CDH4: variants seen among roughly 807,000 people sequenced by gnomAD.
The protein encoded by CDH4 is cadherin-4.
CDH4 carries 33 observed loss-of-function variants against 86.0 expected under a neutral mutation model. The ratio of observed to expected loss-of-function variants is 0.38; its 90% CI spans 0.29 to 0.51. CDH4 has a LOEUF of 0.51. CDH4 is among the 20% of genes least tolerant of loss of function. CDH4 has a pLI of 0.86. For synonymous variants in CDH4, 555 were observed against 549.4 expected (o/e 1.01, Z -0.14); for missense variants, 1,114 against 1,307.4 (o/e 0.85, Z 2.28).
intron 2 of CDH4, among the ~76,000 whole-genome samples, chr20:61,572,504 C>T (rs923473595): frequency 2.0e-5 from 3 of 152,142 alleles, no homozygotes; most frequent in Non-Finnish European, 4.4e-5. Context: ...TCTGCCCTCT[C>T]TCCTGGAGGA....
intron 2 of CDH4, among the ~76,000 whole-genome samples, chr20:61,561,335 G>A (rs2086215317): frequency 6.6e-6 from 1 of 152,186 alleles, no homozygotes; most frequent in Admixed American, 6.5e-5. Context: ...CAGCCTTAAG[G>A]GGAAGCACAG....
intron 2 of CDH4, among the ~76,000 whole-genome samples, chr20:61,593,736 T>C (rs12329418): frequency 0.04 from 6,035 of 152,060 alleles, 187 homozygotes; most frequent in Middle Eastern, 0.082. Context: ...TCTGGAAGTC[T>C]CTTGAAGCAA....
At chr20:61,537,975 G>A (rs1000674187) in intron 2 of CDH4, among the ~76,000 whole-genome samples, 1 of 152,188 alleles carries the variant, frequency 6.6e-6, no homozygotes, top group African/African-American at 2.4e-5. Flanking sequence ...GGCCAACCCG[G>A]CCACATTGCT....
At chr20:61,367,682 G>A (rs909765904) in intron 2 of CDH4, among the ~76,000 whole-genome samples, 2 of 152,012 alleles carry the variant, frequency 1.3e-5, no homozygotes, top group Admixed American at 6.5e-5. Context: ...ACTTTCTTGC[G>A]GCAAAATGTC....
intron 2 of CDH4, among the ~76,000 whole-genome samples, chr20:61,725,310 A>G (rs2088097191): frequency 6.6e-6 from 1 of 152,174 alleles, no homozygotes; most frequent in Non-Finnish European, 1.5e-5. Context: ...CTGGTCATAG[A>G]CAGTGCACAC....
intron 2 of CDH4, among the ~76,000 whole-genome samples, chr20:61,342,037 A>G (rs6101322): frequency 0.6 from 91,383 of 152,140 alleles, 28,117 homozygotes; most frequent in African/African-American, 0.76. Context: ...TGTTGGCAGC[A>G]GTGGCACTGA....
intron 2 of CDH4, among the ~76,000 whole-genome samples, chr20:61,565,213 C>CTTGGTGATGGGGTGATGGTGGTGGTGG (rs1339239791): frequency 5.5e-5 from 1 of 18,192 alleles, no homozygotes; most frequent in Non-Finnish European, 1.0e-4. Flanking sequence ...TCGCGGTGCT[C>CTTGGTGATGGGGTGATGGTGGTGGTGG]TCGGTGGTAG....
intron 2 of CDH4, among the ~76,000 whole-genome samples, chr20:61,481,723 G>A (rs1027057116): frequency 6.6e-6 from 1 of 152,188 alleles, no homozygotes; most frequent in Admixed American, 6.5e-5. Context: ...ACAAATGGGG[G>A]TTAAAAATGC....
intron 2 of CDH4, among the ~76,000 whole-genome samples, chr20:61,289,050 C>G (rs1220842700): frequency 6.6e-6 from 1 of 152,250 alleles, no homozygotes; most frequent in Admixed American, 6.5e-5. Context: ...ATGAAGCACA[C>G]TCTTCTTTAG....
chr20:61,275,293 C>G (rs1399415030), intron 2 of CDH4, among the ~76,000 whole-genome samples: 1 of 117,284 alleles, frequency 8.5e-6, no homozygotes, highest in Non-Finnish European at 1.7e-5. Flanking sequence ...GGGGGGAGCA[C>G]CGTGCGCAGT....
At position 61,754,460 on chromosome 20, in the gene CDH4, C is replaced by T. The variant is rs6061345; in HGVS notation, c.396+10671C>T. Among the ~76,000 whole-genome samples, 18,879 of 152,152 alleles carry T rather than the reference C, an allele frequency of 0.12. 1,569 individuals carry two copies. The highest frequency in any genetic ancestry group is 0.23 in the African/African-American group (9,453 of 41,474). ...CCAGGTCCCTCTGCTGCTACCCAGG[C>T]CCTTCCACTGCCCCTGCTGTCCCCC... On this transcript the variant is annotated intron_variant, in intron 3 of 15. Coordinates refer to ENST00000614565, the MANE Select transcript of CDH4 (RefSeq NM_001794.5). The surrounding 1 kb of genome is among the most constrained non-coding windows in gnomAD (Gnocchi z 4.7).
chr20:61,451,219 G>A (rs7271922), intron 2 of CDH4, among the ~76,000 whole-genome samples: 3,110 of 151,410 alleles, frequency 0.021, 100 homozygotes, highest in African/African-American at 0.071. Context: ...CTGGTGCTGC[G>A]GAAGCCTGAT....
chr20:61,744,561 T>TGGAGGGAGAGAGAGAAGGAAAG (rs1433711383), intron 3 of CDH4, among the ~76,000 whole-genome samples: 1 of 76,272 alleles, frequency 1.3e-5, no homozygotes, highest in Non-Finnish European at 2.8e-5. Flanking sequence ...TGGAGAGAGG[T>TGGAGGGAGAGAGAGAAGGAAAG]GGAGGGAGAG....
At chr20:61,276,751 T>C (rs1339891874) in intron 2 of CDH4, among the ~76,000 whole-genome samples, 3 of 152,208 alleles carry the variant, frequency 2.0e-5, no homozygotes, top group African/African-American at 4.8e-5. Context: ...CTCCACGGGG[T>C]CAGGGGCTGT....
chr20:61,300,017 T>C (rs1239534887), intron 2 of CDH4, among the ~76,000 whole-genome samples: 3 of 152,184 alleles, frequency 2.0e-5, no homozygotes, highest in African/African-American at 7.2e-5. Context: ...AAAATGGCTC[T>C]TTAGGGAATC....
rs115946237 is a variant in CDH4 at position 61,384,962 on chromosome 20, C to T, written c.169+130025C>T. ...TAGTGTAATCATATCTAACTCTGAGCTACTCGTTTGCCATGGGATATCACT... is the reference window on the plus strand; with the variant it reads ...TAGTGTAATCATATCTAACTCTGAGTTACTCGTTTGCCATGGGATATCACT... On this transcript the variant is annotated intron_variant, in intron 2 of 15. Coordinates refer to ENST00000614565, the MANE Select transcript of CDH4 (RefSeq NM_001794.5). Among the ~76,000 whole-genome samples, 287 of 152,306 alleles carry T rather than the reference C, an allele frequency of 1.9e-3. 1 individual carries two copies. The highest frequency in any genetic ancestry group is 6.7e-3 in the African/African-American group (280 of 41,562).
At chr20:61,857,537 G>A (rs542805337) in intron 6 of CDH4, among the ~76,000 whole-genome samples, 1 of 152,360 alleles carries the variant, frequency 6.6e-6, no homozygotes, top group Admixed American at 6.5e-5. Context: ...TGAGGCCCAC[G>A]GAGGTGACTA....
chr20:61,599,913 G>A, intron 2 of CDH4: 2 of 985,528 alleles, frequency 2.0e-6, no homozygotes, highest in African/African-American at 1.7e-5. Flanking sequence ...AAAATAAAGG[G>A]AGGAAGGAGT....
chr20:61,846,533 T>A (rs769198699), intron 5 of CDH4, among the ~76,000 whole-genome samples: 2 of 150,774 alleles, frequency 1.3e-5, no homozygotes, highest in African/African-American at 2.4e-5. Context: ...GAGATAGAGA[T>A]ACAGAGACAG....
Sources: allele counts gnomAD v4.1 joint callset (sites outside exome capture counted in the v4.1 genomes callset), GRCh38; gene constraint gnomAD v4.1.1; non-coding constraint Gnocchi (gnomAD v3.1); transcripts MANE v1.5; gene names NCBI Gene and HGNC (gene_info 2026-07-23, HGNC 2026-07-21).